Variants in DMD observed in about 807,000 individuals in gnomAD.
DMD encodes dystrophin, also known as mutant dystrophin.
A neutral mutation model predicts 330.1 loss-of-function variants in DMD; 63 were observed. The observed-to-expected ratio is 0.19, with a 90% CI of 0.16 to 0.24. DMD has a LOEUF of 0.24. Ranked by LOEUF, DMD falls within the 10% of genes least tolerant of loss-of-function variation. The probability of loss-of-function intolerance (pLI) is 1.00; values close to 1 mark genes in which losing one functional copy is unlikely to be tolerated. For synonymous variants in DMD, 1,223 were observed against 959.8 expected (o/e 1.27, Z -5.07); for missense variants, 3,344 against 2,684.1 (o/e 1.25, Z -5.43).
chrX:32,756,545 T>C (rs2148337639), intron 7 of DMD: 1 of 111,565 alleles, frequency 9.0e-6, no homozygotes, highest in East Asian at 2.8e-4. Flanking sequence ...TTATATGTCT[T>C]ACGCATCTAG....
At chrX:31,991,216 GTTT>G (rs2095547954) in intron 44 of DMD, among the ~76,000 whole-genome samples, 1 of 111,515 alleles carries the variant, frequency 9.0e-6, no homozygotes, top group East Asian at 2.8e-4. Flanking sequence ...TCTACTACAG[GTTT>G]TAAGGAGACA....
intron 1 of DMD, among the ~76,000 whole-genome samples, chrX:33,252,134 T>G (rs1221830024): frequency 8.9e-6 from 1 of 112,045 alleles, no homozygotes; most frequent in Admixed American, 9.6e-5. Context: ...AACAGCGTTT[T>G]CTCGTGTTCA....
chrX:32,938,128 T>A (rs2090147723), intron 2 of DMD, among the ~76,000 whole-genome samples: 1 of 111,494 alleles, frequency 9.0e-6, no homozygotes, highest in African/African-American at 3.3e-5. Flanking sequence ...AAACTACTGA[T>A]CTTTCCACTC....
At chrX:31,264,739 CAAT>C (rs1298707899) in intron 62 of DMD, among the ~76,000 whole-genome samples, 2 of 111,883 alleles carry the variant, frequency 1.8e-5, no homozygotes, top group Admixed American at 9.5e-5. Flanking sequence ...ACCTACTTGT[CAAT>C]AATAAGAAAT....
At chrX:31,721,718 C>CTCTCTCTCTCTCTCTCTCTCTCTA (rs1227959078) in intron 52 of DMD, among the ~76,000 whole-genome samples, 2 of 56,499 alleles carry the variant, frequency 3.5e-5, no homozygotes, top group African/African-American at 6.0e-5. Context: ...CTCTCTCTCT[C>CTCTCTCTCTCTCTCTCTCTCTCTA]TATATATATA....
chrX:32,080,854 A>G (rs2096386510), intron 44 of DMD, among the ~76,000 whole-genome samples: 1 of 112,091 alleles, frequency 8.9e-6, no homozygotes, highest in East Asian at 2.8e-4. Context: ...AGTAAGGCTC[A>G]CTGTTCTCAG....
intron 50 of DMD, among the ~76,000 whole-genome samples, chrX:31,801,591 C>T (rs957744607): frequency 1.5e-5 from 1 of 67,576 alleles, no homozygotes; most frequent in African/African-American, 5.3e-5. Flanking sequence ...CCCCCCCCCC[C>T]AACACACACA....
chrX:32,727,887 T>C (rs973755899), intron 7 of DMD, among the ~76,000 whole-genome samples: 1 of 111,786 alleles, frequency 8.9e-6, no homozygotes, highest in Non-Finnish European at 1.9e-5. Context: ...GATCATACTT[T>C]TGTTTTTAAT....
chrX:32,565,703 T>A lies in DMD; in HGVS notation c.1991A>T (p.Gln664Leu). 8.3e-7 allele frequency: 1 copy of A among 1,210,516 alleles called. No homozygotes were observed. The highest frequency in any genetic ancestry group is 1.1e-6 in the Non-Finnish European group (1 of 894,250). Residue 664 changes from glutamine (Q) to leucine (L), a missense_variant and splice_region_variant, in exon 16 of 79, where the codon CAG (glutamine) becomes CTG (leucine). By Grantham distance (113) the Gln-to-Leu change is moderately radical. Transcript: ENST00000357033. ...AGCATGATAATTGGTATCACTAACCTGTGCTGTACTCTTTTCAAGTTTTTG... is the reference window on the plus strand; with the variant it reads ...AGCATGATAATTGGTATCACTAACCAGTGCTGTACTCTTTTCAAGTTTTTG... ...LVQKLEKSTA[Q>L]ISQAVTTTQP...
intron 1 of DMD, among the ~76,000 whole-genome samples, chrX:33,166,461 G>A (rs1222101527): frequency 9.0e-6 from 1 of 110,853 alleles, no homozygotes; most frequent in African/African-American, 3.3e-5. Flanking sequence ...TTCTACATAC[G>A]GATGAATTCA....
At chrX:32,683,538 C>CT (rs1342575724) in intron 9 of DMD, among the ~76,000 whole-genome samples, 1 of 104,486 alleles carries the variant, frequency 9.6e-6, no homozygotes, top group Non-Finnish European at 1.9e-5. Flanking sequence ...CAAACTATCG[C>CT]AAGGACAAAA....
chrX:32,550,026 G>C (rs1293304837), intron 16 of DMD, among the ~76,000 whole-genome samples: 1 of 111,911 alleles, frequency 8.9e-6, no homozygotes, highest in African/African-American at 3.2e-5. Context: ...AGACAATTTT[G>C]TCCTTGTACG....
intron 44 of DMD, among the ~76,000 whole-genome samples, chrX:32,213,482 G>A (rs1026037705): frequency 1.8e-5 from 2 of 111,656 alleles, no homozygotes; most frequent in Non-Finnish European, 3.8e-5. Context: ...GTGTGTGCAC[G>A]CTCATGTGTG....
intron 7 of DMD, among the ~76,000 whole-genome samples, chrX:32,735,314 C>G (rs1569499285): frequency 1.8e-5 from 2 of 110,360 alleles, no homozygotes; most frequent in East Asian, 5.7e-4. Flanking sequence ...TAGGAAGAAT[C>G]AATATCGTGA....
chrX:32,905,583 T>C (rs1176908650), intron 2 of DMD, among the ~76,000 whole-genome samples: 1 of 111,462 alleles, frequency 9.0e-6, no homozygotes. Context: ...CCAACATAAT[T>C]TGAAAGTATA....
At chrX:32,016,440 A>G (rs1333010577) in intron 44 of DMD, among the ~76,000 whole-genome samples, 1 of 111,851 alleles carries the variant, frequency 8.9e-6, no homozygotes, top group African/African-American at 3.3e-5. Flanking sequence ...ACACTGCATG[A>G]GAACTGGGAT....
chrX:32,351,311 G>T (rs1477626600), intron 37 of DMD, among the ~76,000 whole-genome samples: 1 of 110,392 alleles, frequency 9.1e-6, no homozygotes, highest in Non-Finnish European at 1.9e-5. Context: ...TTGATATAAT[G>T]AGTCTTTATT....
At chrX:31,541,306 A>T (rs1021789070) in intron 55 of DMD, among the ~76,000 whole-genome samples, 4 of 111,643 alleles carry the variant, frequency 3.6e-5, no homozygotes. Flanking sequence ...TTCAACTATA[A>T]AGTTTATGAA....
At chrX:32,763,237 T>A (rs1282191632) in intron 7 of DMD, among the ~76,000 whole-genome samples, 1 of 112,394 alleles carries the variant, frequency 8.9e-6, no homozygotes, top group East Asian at 2.8e-4. Flanking sequence ...TATTCAGAAT[T>A]ATTTAATACA....
Sources: gnomAD v4.1 joint callset for allele counts (sites outside exome capture counted in the v4.1 genomes callset) on GRCh38, gnomAD v4.1.1 for gene constraint, MANE v1.5 for transcripts, NCBI Gene and HGNC (gene_info 2026-07-23, HGNC 2026-07-21) for gene names.